Variants in GRB10 observed in about 807,000 individuals in gnomAD.
GRB10 encodes growth factor receptor bound protein 10, also known as growth factor receptor-bound protein 10.
Under a neutral mutation model 80.9 loss-of-function variants are expected in GRB10, and 20 were observed. The ratio of observed to expected loss-of-function variants is 0.25; its 90% CI spans 0.17 to 0.36. The LOEUF (loss-of-function observed/expected upper bound fraction) is 0.36. Ranked by LOEUF, GRB10 falls within the 10% of genes least tolerant of loss-of-function variation. The probability of loss-of-function intolerance (pLI) is 1.00; values close to 1 mark genes in which losing one functional copy is unlikely to be tolerated. For synonymous variants in GRB10, 291 were observed against 291.5 expected, an observed-to-expected ratio of 1.00 and a Z score of 0.02; for missense variants, 548 against 747.7, an observed-to-expected ratio of 0.73 and a Z score of 3.12.
intron 17 of GRB10, among the ~76,000 whole-genome samples, chr7:50,599,620 G>A (rs1044900573): frequency 2.6e-5 from 4 of 152,246 alleles, no homozygotes; most frequent in Admixed American, 6.5e-5. Flanking sequence ...AGGGAGGACG[G>A]AGAGGAACAC....
chr7:50,766,988 T>C (rs1457519435), intron 2 of GRB10, among the ~76,000 whole-genome samples: 5 of 152,236 alleles, frequency 3.3e-5, no homozygotes, highest in Non-Finnish European at 7.3e-5. Context: ...CAATGATTAA[T>C]GGCTCTGAAA....
intron 8 of GRB10, among the ~76,000 whole-genome samples, chr7:50,622,525 T>C (rs1180981993): frequency 6.6e-6 from 1 of 152,126 alleles, no homozygotes; most frequent in Non-Finnish European, 1.5e-5. Flanking sequence ...ATTCCTCAAA[T>C]CCTTGAAATT....
intron 5 of GRB10, among the ~76,000 whole-genome samples, chr7:50,699,678 T>G (rs77176888): frequency 0.013 from 1,947 of 152,332 alleles, 45 homozygotes; most frequent in African/African-American, 0.044. Context: ...GTGTTTTACT[T>G]AGACCTTTTG....
At chr7:50,692,675 C>A (rs2153659509) in intron 5 of GRB10, among the ~76,000 whole-genome samples, 1 of 152,222 alleles carries the variant, frequency 6.6e-6, no homozygotes, top group East Asian at 1.9e-4. Context: ...TCAGACCAGG[C>A]AGTATAGTAG....
intron 7 of GRB10, among the ~76,000 whole-genome samples, chr7:50,662,784 C>T (rs758710772): frequency 2.5e-4 from 38 of 152,218 alleles, no homozygotes; most frequent in Non-Finnish European, 4.4e-4. Flanking sequence ...AATTAAGATT[C>T]TACCTGATAG....
At chr7:50,704,704 CCCT>C (rs1040340326) in intron 4 of GRB10, among the ~76,000 whole-genome samples, 5 of 152,188 alleles carry the variant, frequency 3.3e-5, no homozygotes, top group Non-Finnish European at 7.3e-5. Context: ...TCAGCAAATT[CCCT>C]CCTATTCATG....
chr7:50,647,752 G>A (rs1194161406), intron 7 of GRB10, among the ~76,000 whole-genome samples: 11 of 152,284 alleles, frequency 7.2e-5, no homozygotes, highest in South Asian at 2.1e-4. Context: ...CTCCCATGAC[G>A]ACACAGGCAA....
intron 7 of GRB10, among the ~76,000 whole-genome samples, chr7:50,649,761 T>A (rs1586335587): frequency 6.6e-6 from 1 of 152,026 alleles, no homozygotes; most frequent in Non-Finnish European, 1.5e-5. Context: ...GAGGGAGAGT[T>A]GACTGGATTT....
chr7:50,756,067 A>C lies in GRB10; in HGVS notation c.-216-11T>G. 2.5e-6 allele frequency: 1 copy of C among 398,648 alleles called. No homozygotes were observed. Among genetic ancestry groups the C allele is most frequent in the Non-Finnish European group, 4.4e-6 (1 of 226,054 alleles). 24.7% of individuals were successfully genotyped at this position (398,648 alleles called of 1,614,324 possible). A position where few individuals can be genotyped will look rare whatever the true frequency, so the allele number is the denominator to read the frequency against. ...TGGTCAGCGCCAAAGCTGGAAAGTC[A>C]AACGGGCCATCACTGAACTTCCGTA... On this transcript the variant is annotated splice_polypyrimidine_tract_variant and intron_variant, in intron 2 of 18. Transcript: ENST00000401949.
At chr7:50,750,032 G>C (rs1446790717) in intron 3 of GRB10, among the ~76,000 whole-genome samples, 1 of 152,174 alleles carries the variant, frequency 6.6e-6, no homozygotes, top group Non-Finnish European at 1.5e-5. Flanking sequence ...TGGTGAGATT[G>C]CTGCCAGGCT....
chr7:50,742,898 G>T (rs2072155094), intron 3 of GRB10, among the ~76,000 whole-genome samples: 2 of 152,064 alleles, frequency 1.3e-5, no homozygotes, highest in African/African-American at 4.8e-5. Flanking sequence ...CTTCCTGGGG[G>T]CTGGGAAGGG....
rs369126464 is a variant in GRB10 at position 50,710,866 on chromosome 7, G to T, written c.52-6958C>A. ...GGTACTGAGTGTTCGGTAGACAGCGGGCACTGACCTTACTACGGAACAGAG... is the reference window on the plus strand; with the variant it reads ...GGTACTGAGTGTTCGGTAGACAGCGTGCACTGACCTTACTACGGAACAGAG... On this transcript the variant is annotated intron_variant, in intron 4 of 18. Coordinates refer to ENST00000401949, the MANE Select transcript of GRB10 (RefSeq NM_001350814.2). The T allele has an allele frequency of 2.0e-5, 33 of 1,612,480 alleles. No individual in the cohort carries two copies. The African/African-American group carries it at 4.1e-4, about 20-fold the overall frequency.
chr7:50,718,234 G>A (rs866119417), intron 4 of GRB10, among the ~76,000 whole-genome samples: 10 of 152,310 alleles, frequency 6.6e-5, no homozygotes, highest in Admixed American at 3.3e-4. Context: ...ACAGAGAGAG[G>A]GGAGGCCAGT....
At chr7:50,759,628 G>A (rs2075524251) in intron 2 of GRB10, among the ~76,000 whole-genome samples, 4 of 152,138 alleles carry the variant, frequency 2.6e-5, no homozygotes. Context: ...ATATTTGATT[G>A]TTTATGGGGG....
chr7:50,609,178 C>A (rs1344078883), intron 13 of GRB10, among the ~76,000 whole-genome samples: 1 of 151,904 alleles, frequency 6.6e-6, no homozygotes, highest in Admixed American at 6.6e-5. Flanking sequence ...CTAAATAATA[C>A]AATTAAATCA....
intron 2 of GRB10, among the ~76,000 whole-genome samples, chr7:50,766,803 T>C (rs1193705486): frequency 2.6e-5 from 4 of 152,232 alleles, no homozygotes; most frequent in African/African-American, 9.6e-5. Flanking sequence ...TGATGATATC[T>C]TTTCATTCTC....
rs142054401 is a variant in GRB10 at position 50,643,661 on chromosome 7, T to C, written c.505-16683A>G. On this transcript the variant is annotated intron_variant, in intron 7 of 18. Coordinates refer to ENST00000401949, the MANE Select transcript of GRB10 (RefSeq NM_001350814.2). ...AACTTTATTATGATATGTAAGTGAG[T>C]AACCCTGTTTTTAGTCAATAGACTC... Among the ~76,000 whole-genome samples the C allele has an allele frequency of 2.3e-3, 344 of 152,324 alleles. 2 individuals are homozygous for C. The highest frequency in any genetic ancestry group is 8.1e-3 in the African/African-American group (335 of 41,576).
intron 4 of GRB10, among the ~76,000 whole-genome samples, chr7:50,727,306 C>G (rs1033411956): frequency 6.6e-6 from 1 of 152,184 alleles, no homozygotes; most frequent in African/African-American, 2.4e-5. Flanking sequence ...TGACAGCATC[C>G]CAGGTCATGG....
chr7:50,672,497 A>G (rs1285305686), intron 6 of GRB10, among the ~76,000 whole-genome samples: 1 of 152,172 alleles, frequency 6.6e-6, no homozygotes, highest in African/African-American at 2.4e-5. Context: ...TGAAAGTAAG[A>G]AACAAAACTA....
Sources: gnomAD v4.1 joint callset for allele counts (sites outside exome capture counted in the v4.1 genomes callset) on GRCh38, gnomAD v4.1.1 for gene constraint, MANE v1.5 for transcripts, NCBI Gene and HGNC (gene_info 2026-07-23, HGNC 2026-07-21) for gene names.